TATDN3: variants seen among roughly 807,000 people sequenced by gnomAD.
The protein encoded by TATDN3 is deoxyribonuclease TATDN3.
In TATDN3, 29 loss-of-function variants were observed where a neutral mutation model predicts 40.1. The observed-to-expected ratio is 0.72, with a 90% CI of 0.54 to 0.99. The LOEUF (loss-of-function observed/expected upper bound fraction) is 0.99. Among genes scored for constraint, TATDN3 ranks in the 50% least tolerant of loss-of-function variants. The probability of loss-of-function intolerance (pLI) is 0.00; values close to 1 mark genes in which losing one functional copy is unlikely to be tolerated. For missense variants in TATDN3, 309 were observed against 321.9 expected (o/e 0.96, Z 0.31); for synonymous variants, 105 against 117.0 (o/e 0.90, Z 0.66).
At position 212,814,994 on chromosome 1, in the gene TATDN3, G is replaced by A. The variant is rs1356816590; in HGVS notation, c.682-19G>A. Reference sequence around the variant, plus strand: ...CCTTCAGTGTCATGTTTGACATGGTGTCTGCTGTCTTGTTTCAGGTACGGA... The same window carrying A: ...CCTTCAGTGTCATGTTTGACATGGTATCTGCTGTCTTGTTTCAGGTACGGA... On this transcript the variant is annotated intron_variant, in intron 9 of 9. Transcript: ENST00000366974. 19 of 1,605,702 alleles carry A rather than the reference G, an allele frequency of 1.2e-5. No homozygotes were observed. Among genetic ancestry groups the A allele is most frequent in the Non-Finnish European group, 1.4e-5 (16 of 1,176,924 alleles).
intron 1 of TATDN3, among the ~76,000 whole-genome samples, chr1:212,793,203 A>T (rs760342638): frequency 3.3e-5 from 5 of 152,050 alleles, no homozygotes; most frequent in Admixed American, 1.3e-4. Context: ...GGGCTTTTTT[A>T]AAATTTATTT....
At chr1:212,797,256 C>T (rs2102436199) in intron 4 of TATDN3, 60 bp downstream of exon 4, 3 of 1,216,072 alleles carry the variant, frequency 2.5e-6, no homozygotes, top group East Asian at 4.8e-5. Flanking sequence ...TTATTTGACT[C>T]AGTAATCCTC....
At chr1:212,796,973 T>G in intron 3 of TATDN3, 139 bp from the exon 4 acceptor site, 1 of 624,928 alleles carries the variant, frequency 1.6e-6, no homozygotes, top group East Asian at 2.8e-5. Flanking sequence ...TGGCCTTAAG[T>G]GATCCACCTG....
chr1:212,795,814 T>C (rs543372126), intron 2 of TATDN3, among the ~76,000 whole-genome samples: 1 of 152,312 alleles, frequency 6.6e-6, no homozygotes, highest in Admixed American at 6.5e-5. Context: ...CTGAGGAAAT[T>C]ACTAATTTAT....
At chr1:212,807,289 G>C (rs111234469) in intron 7 of TATDN3, among the ~76,000 whole-genome samples, 1 of 151,862 alleles carries the variant, frequency 6.6e-6, no homozygotes, top group Non-Finnish European at 1.5e-5. Flanking sequence ...GTCTCACTCC[G>C]ATGCCCAGCC....
intron 8 of TATDN3, 169 bp from the exon 9 acceptor site, chr1:212,812,079 C>T (rs574281225): frequency 1.6e-5 from 7 of 437,782 alleles, no homozygotes; most frequent in South Asian, 3.0e-5. Context: ...GTGATCCACC[C>T]GCCTCGGCCT....
At chr1:212,813,976 A>G (rs28623693) in intron 9 of TATDN3, among the ~76,000 whole-genome samples, 1 of 50,204 alleles carries the variant, frequency 2.0e-5, no homozygotes, top group African/African-American at 4.9e-5. Flanking sequence ...CTGTATATAT[A>G]TTTTTTTTGT....
chr1:212,805,751 A>G (rs1662425309), intron 7 of TATDN3, among the ~76,000 whole-genome samples: 1 of 152,224 alleles, frequency 6.6e-6, no homozygotes, highest in South Asian at 2.1e-4. Flanking sequence ...CTTCTTTGCC[A>G]GTTGTTCCTA....
chr1:212,797,719 G>A (rs1661874741), intron 4 of TATDN3: 1 of 153,264 alleles, frequency 6.5e-6, no homozygotes, highest in Admixed American at 6.5e-5. Context: ...TACAAATTCA[G>A]AGGTGCCATA....
chr1:212,795,217 G>A, intron 2 of TATDN3, 90 bp downstream of exon 2: 1 of 789,948 alleles, frequency 1.3e-6, no homozygotes, highest in Non-Finnish European at 2.1e-6. Flanking sequence ...ATACTACCTT[G>A]ATGTTTCAGT....
In TATDN3 at chr1:212,792,632, C is replaced by CAAAAAAAAAAAAAAA. The variant is rs752952752; in HGVS notation, c.66+652_66+666dup. ...CCTGGGTAACAGTGAGACCCTGTCT[C>CAAAAAAAAAAAAAAA]AAAAAAAAAAAAAAAAAAAAATTCA... is the stretch of plus-strand genomic sequence containing the variant. On this transcript the variant is annotated intron_variant, in intron 1 of 9. Transcript: ENST00000366974. 7.0e-3 allele frequency among the ~76,000 whole-genome samples: 525 copies of CAAAAAAAAAAAAAAA among 74,900 alleles called. 8 individuals are homozygous for CAAAAAAAAAAAAAAA. Among genetic ancestry groups the CAAAAAAAAAAAAAAA allele is most frequent in the Non-Finnish European group, 9.7e-3 (400 of 41,066 alleles). 49.1% of individuals were successfully genotyped at this position (74,900 alleles called of 152,430 possible).
chr1:212,810,138 C>T (rs185275613), intron 8 of TATDN3, among the ~76,000 whole-genome samples: 183 of 152,024 alleles, frequency 1.2e-3, no homozygotes, highest in South Asian at 4.1e-3. Context: ...CCAAGGGTTG[C>T]GGATCACCTG....
chr1:212,799,677 A>G (rs1463538605), intron 4 of TATDN3, among the ~76,000 whole-genome samples: 7 of 151,870 alleles, frequency 4.6e-5, no homozygotes, highest in Non-Finnish European at 8.8e-5. Flanking sequence ...AGCTGGGATT[A>G]CAGGCATGCA....
At chr1:212,810,487 G>C (rs957529323) in intron 8 of TATDN3, among the ~76,000 whole-genome samples, 2 of 142,944 alleles carry the variant, frequency 1.4e-5, no homozygotes, top group Non-Finnish European at 3.1e-5. Context: ...ACGCCAGCCT[G>C]GGTGACAGAG....
Position 212,815,513 on chromosome 1 carries a change from G to A in TATDN3, c.*357G>A. On this transcript the variant is annotated 3_prime_UTR_variant, in exon 10 of 10. Transcript: ENST00000366974. ...TAAGCACTACTGTGATGAGGATGGA[G>A]TAAGCTAAAGTATACTTTTTTTTTT... 1 of 162,884 alleles carries A rather than the reference G, an allele frequency of 6.1e-6. No homozygotes were observed. The highest frequency in any genetic ancestry group is 1.3e-5 in the Non-Finnish European group (1 of 75,432). The allele number at this position is 162,884 out of a possible 1,614,324, so 10.1% of individuals were successfully genotyped here.
At chr1:212,806,805 T>C (rs1235036291) in intron 7 of TATDN3, among the ~76,000 whole-genome samples, 31 of 110,074 alleles carry the variant, frequency 2.8e-4, no homozygotes, top group East Asian at 8.3e-4. Context: ...CACACATATA[T>C]ACACATATAT....
At position 212,815,198 on chromosome 1, in the gene TATDN3, G is replaced by C. The variant is rs76268387; in HGVS notation, c.*42G>C. On this transcript the variant is annotated 3_prime_UTR_variant, in exon 10 of 10. Coordinates refer to ENST00000366974, the MANE Select transcript of TATDN3 (RefSeq NM_001042552.3). ...TACAAAATCGAATCAACTGCAGGGGGCAGCATTTGAAAAATAGAAATGTTC... is the reference window on the plus strand; with the variant it reads ...TACAAAATCGAATCAACTGCAGGGGCCAGCATTTGAAAAATAGAAATGTTC... 48,897 of 1,568,672 alleles carry C rather than the reference G, an allele frequency of 0.031. 901 individuals carry two copies. Among genetic ancestry groups the C allele is most frequent in the South Asian group, 0.044 (3,709 of 84,078 alleles).
rs113362754 is a variant in TATDN3 at position 212,805,725 on chromosome 1, C to T, written c.487+1074C>T. Among the ~76,000 whole-genome samples the T allele has an allele frequency of 5.5e-4, 84 of 152,298 alleles. 2 individuals carry two copies. The highest frequency in any genetic ancestry group is 1.9e-3 in the African/African-American group (78 of 41,566). On this transcript the variant is annotated intron_variant, in intron 7 of 9. Coordinates refer to ENST00000366974, the MANE Select transcript of TATDN3 (RefSeq NM_001042552.3). ...ATGCAGAAATACAGATTTTGGCCAT[C>T]ATACATACACACTCTCTTCTTTGCC...
At position 212,797,106 on chromosome 1, in the gene TATDN3, T is replaced by G. The variant is rs749452338; in HGVS notation, c.174-6T>G. The stretch of plus-strand genomic sequence containing the variant: ...CCTGCTTTCTCAGTTGGTTCTACAT[T>G]TTTAGGTATAATGGGTTTGTCCTGC... On this transcript the variant is annotated splice_region_variant and splice_polypyrimidine_tract_variant and intron_variant, in intron 3 of 9. Transcript: ENST00000366974. The G allele has an allele frequency of 4.8e-5, 77 of 1,613,068 alleles. No homozygotes were observed. The highest frequency in any genetic ancestry group is 7.6e-6 in the Non-Finnish European group (9 of 1,179,164).
Sources: gnomAD v4.1 joint callset for allele counts (sites outside exome capture counted in the v4.1 genomes callset) on GRCh38, gnomAD v4.1.1 for gene constraint, MANE v1.5 for transcripts, NCBI Gene and HGNC (gene_info 2026-07-23, HGNC 2026-07-21) for gene names.